The following CIZ1 variants were observed in gnomAD, a reference collection of about 807,000 sequenced individuals.
CIZ1 encodes the protein CDKN1A interacting zinc finger protein 1, also known as cip1-interacting zinc finger protein.
CIZ1 carries 58 observed loss-of-function variants against 118.6 expected under a neutral mutation model. The ratio of observed to expected loss-of-function variants is 0.49; its 90% CI spans 0.40 to 0.61. The LOEUF (loss-of-function observed/expected upper bound fraction) is 0.61, where lower values mean the gene tolerates loss of function less well. Ranked by LOEUF, CIZ1 falls within the 20% of genes least tolerant of loss-of-function variation. CIZ1 has a pLI of 0.00. For synonymous variants in CIZ1, 448 were observed against 443.4 expected (o/e 1.01, Z -0.13); for missense variants, 921 against 1,115.9 (o/e 0.83, Z 2.49).
chr9:128,191,720 G>T, upstream of CIZ1: 1 of 1,337,404 alleles, frequency 7.5e-7, no homozygotes, highest in African/African-American at 1.5e-5. This position sits in a 1 kb window ranked among gnomAD's most constrained non-coding sequence, Gnocchi z 5.5. Context: ...GGGGGTCCTG[G>T]GCGGCTCATA....
chr9:128,191,897 CG>C (rs1411483519), upstream of CIZ1: 1 of 1,441,614 alleles, frequency 6.9e-7, no homozygotes, highest in Non-Finnish European at 9.1e-7. The surrounding 1 kb of genome is among the most constrained non-coding windows in gnomAD (Gnocchi z 5.5). Context: ...GGGCCCCGCG[CG>C]GGGCTGCGGT....
At chr9:128,168,079 G>A (rs969461016) in intron 14 of CIZ1, among the ~76,000 whole-genome samples, 4 of 152,148 alleles carry the variant, frequency 2.6e-5, no homozygotes, top group South Asian at 2.1e-4. Flanking sequence ...CAGAGGCTAT[G>A]AGCAGCCCCA....
intron 3 of CIZ1, among the ~76,000 whole-genome samples, chr9:128,190,069 A>C (rs1832936983): frequency 6.6e-6 from 1 of 152,196 alleles, no homozygotes; most frequent in South Asian, 2.1e-4. Context: ...TCTAATCTGA[A>C]TGTGAGTGAA....
intron 4 of CIZ1, among the ~76,000 whole-genome samples, chr9:128,186,990 A>G (rs1832460965): frequency 7.2e-6 from 1 of 137,980 alleles, no homozygotes; most frequent in African/African-American, 2.8e-5. Flanking sequence ...CCCAGTCTGG[A>G]GTGCAGTGGT....
chr9:128,169,563 C>A, intron 12 of CIZ1, 44 bp from the exon 13 acceptor site: 1 of 1,606,450 alleles, frequency 6.2e-7, no homozygotes, highest in Non-Finnish European at 8.5e-7. Flanking sequence ...CAGCTGCAAG[C>A]CCCCTGACTA....
chr9:128,187,781 T>G, intron 4 of CIZ1, 82 bp downstream of exon 4: 1 of 396,132 alleles, frequency 2.5e-6, no homozygotes, highest in Middle Eastern at 6.9e-4. Context: ...TGTAAAACAT[T>G]CATGACATAG....
chr9:128,192,822 G>A (rs1048996295), upstream of CIZ1, among the ~76,000 whole-genome samples: 2 of 152,182 alleles, frequency 1.3e-5, no homozygotes, highest in African/African-American at 4.8e-5. Context: ...GGATTACAGG[G>A]GTGAGCCACC....
At chr9:128,185,000 T>C (rs930777859) in intron 5 of CIZ1, among the ~76,000 whole-genome samples, 1 of 151,860 alleles carries the variant, frequency 6.6e-6, no homozygotes, top group Non-Finnish European at 1.5e-5. Flanking sequence ...AATATTAAGC[T>C]GGGCGCAGTG....
chr9:128,182,094 C>T (rs1353772803), intron 5 of CIZ1, among the ~76,000 whole-genome samples: 1 of 152,208 alleles, frequency 6.6e-6, no homozygotes, highest in Non-Finnish European at 1.5e-5. Flanking sequence ...GGCCCCCTGT[C>T]CAGTGGACAC....
rs114082772 is a variant in CIZ1 at position 128,180,491 on chromosome 9, C to T, written c.715G>A (p.Ala239Thr). 160 of 1,614,114 alleles carry T rather than the reference C, an allele frequency of 9.9e-5. No homozygotes were observed. In the African/African-American group the frequency reaches 1.4e-3, roughly 14 times the overall value. The change falls in exon 7 of 17, where the codon GCC (alanine) becomes ACC (threonine). Residue 239 changes from alanine (A) to threonine (T), a missense_variant. Ala to Thr is a moderately conservative substitution (Grantham distance 58, BLOSUM62 0). Coordinates refer to ENST00000372938, the MANE Select transcript of CIZ1 (RefSeq NM_001131016.2). ...GGTGCTGGAGTGCGTTTTTCCTTGG[C>T]GATGTCCTCTGGGCAGGGCGGTAAA... ...QDLPPCPEDI[A>T]KEKRTPAPEP...
intron 11 of CIZ1, among the ~76,000 whole-genome samples, chr9:128,173,029 A>G (rs1412840830): frequency 1.3e-5 from 2 of 151,752 alleles, no homozygotes; most frequent in African/African-American, 2.4e-5. Context: ...CAGTGGCATG[A>G]TCAAGGCTTA....
intron 4 of CIZ1, 125 bp from the exon 5 acceptor site, chr9:128,185,901 C>G (rs1175093173): frequency 9.8e-6 from 7 of 717,390 alleles, no homozygotes; most frequent in Non-Finnish European, 1.2e-5. Context: ...CCTTCCCACC[C>G]AAGGGCAGCC....
intron 3 of CIZ1, 115 bp downstream of exon 3, chr9:128,190,214 G>A (rs553347186): frequency 1.4e-6 from 1 of 720,248 alleles, no homozygotes; most frequent in African/African-American, 1.8e-5. Flanking sequence ...AGTGAACTAG[G>A]ATGCCAAGAA....
chr9:128,191,430 A>AGCCC lies in CIZ1; in HGVS notation c.-6+1_-6+2insGGGC. The AGCCC allele has an allele frequency of 1.1e-6, 1 of 948,372 alleles. No individual in the cohort carries two copies. Among genetic ancestry groups the AGCCC allele is most frequent in the Non-Finnish European group, 1.3e-6 (1 of 795,648 alleles). The allele number at this position is 948,372 out of a possible 1,614,324, so 58.7% of individuals were successfully genotyped here. A position where few individuals can be genotyped will look rare whatever the true frequency, so the allele number is the denominator to read the frequency against. ...ACGACCCAGCCGCCCCCGGCCCCGC[A>AGCCC]CCTCGCCTCCCCGCGCGCCCTCAAC... On this transcript the variant is annotated splice_donor_variant, in intron 1 of 16. Transcript: ENST00000372938. LOFTEE classifies it low-confidence loss of function (5UTR_SPLICE). The surrounding 1 kb of genome is among the most constrained non-coding windows in gnomAD (Gnocchi z 5.5).
rs1345262646 is a variant in CIZ1 at position 128,190,367 on chromosome 9, G to A, written c.248C>T (p.Ser83Phe). Reference protein sequence around the residue: ...GTNSASLLNGSMLQRALLLQQ... With the variant: ...GTNSASLLNGFMLQRALLLQQ... ...TAAAAGCAAAGCTCTCTGCAGCATG[G>A]AGCCGTTGAGGAGGGAGGCTGAGTT... The change falls in exon 3 of 17, where the codon TCC becomes TTC. Residue 83 changes from serine (S) to phenylalanine (F), a missense_variant. Coordinates refer to ENST00000372938, the MANE Select transcript of CIZ1 (RefSeq NM_001131016.2). 6.2e-7 allele frequency: 1 copy of A among 1,614,026 alleles called. No homozygotes were observed. Among genetic ancestry groups the A allele is most frequent in the East Asian group, 2.2e-5 (1 of 44,886 alleles).
chr9:128,166,993 G>T lies in CIZ1; in HGVS notation c.2365+102C>A. On this transcript the variant is annotated intron_variant, in intron 15 of 16. Transcript: ENST00000372938. The surrounding 1 kb of genome is among the most constrained non-coding windows in gnomAD (Gnocchi z 4.4). ...CCTCTAGGCAGGGGCAGAAGAGAAGGCTTCCCAGCCAGAATGCCATGGCTG... is the reference window on the plus strand; with the variant it reads ...CCTCTAGGCAGGGGCAGAAGAGAAGTCTTCCCAGCCAGAATGCCATGGCTG... 2 of 1,596,678 alleles carry T rather than the reference G, an allele frequency of 1.3e-6. No homozygotes were observed. Among genetic ancestry groups the T allele is most frequent in the South Asian group, 1.1e-5 (1 of 89,498 alleles).
chr9:128,172,468 G>C (rs1003816068), intron 11 of CIZ1, among the ~76,000 whole-genome samples: 2 of 152,114 alleles, frequency 1.3e-5, no homozygotes, highest in Non-Finnish European at 2.9e-5. Context: ...ACTCCAGCCT[G>C]GGCAACGGAG....
chr9:128,169,942 C>G (rs993283890), intron 12 of CIZ1, 78 bp downstream of exon 12: 18 of 1,361,578 alleles, frequency 1.3e-5, no homozygotes, highest in Non-Finnish European at 1.8e-5. Context: ...GTTTACTTTC[C>G]AACTGGGGCT....
intron 11 of CIZ1, among the ~76,000 whole-genome samples, chr9:128,175,165 T>C (rs189911834): frequency 1.1e-3 from 173 of 152,358 alleles, no homozygotes; most frequent in Middle Eastern, 6.8e-3. Flanking sequence ...GAATCCTGTT[T>C]TACTTTGACA....
Sources: allele counts gnomAD v4.1 joint callset (sites outside exome capture counted in the v4.1 genomes callset), GRCh38; gene constraint gnomAD v4.1.1; non-coding constraint Gnocchi (gnomAD v3.1); transcripts MANE v1.5; gene names NCBI Gene and HGNC (gene_info 2026-07-23, HGNC 2026-07-21).